SPMIP3: variants seen among roughly 807,000 people sequenced by gnomAD.
SPMIP3 encodes sperm microtubule inner protein 3.
chr1:244,386,239 G>A, the SPMIP3 span, among the ~76,000 whole-genome samples: 4 of 151,976 alleles, frequency 2.6e-5, no homozygotes, highest in Non-Finnish European at 5.9e-5. Context: ...AACATATTTG[G>A]AATACACAGA....
the SPMIP3 span, among the ~76,000 whole-genome samples, chr1:244,367,248 T>C: frequency 6.6e-6 from 1 of 152,146 alleles, no homozygotes; most frequent in Non-Finnish European, 1.5e-5. Context: ...GTCTGGGTTT[T>C]ATGCTATTAT....
At chr1:244,360,559 TGC>T in the SPMIP3 span, among the ~76,000 whole-genome samples, 2 of 9,036 alleles carry the variant, frequency 2.2e-4, no homozygotes, top group African/African-American at 6.2e-4. Flanking sequence ...CACACACACA[TGC>T]ATGCATGGAA....
the SPMIP3 span, among the ~76,000 whole-genome samples, chr1:244,386,074 A>G: frequency 6.6e-6 from 1 of 151,884 alleles, no homozygotes; most frequent in East Asian, 1.9e-4. Context: ...CTACTCAGGA[A>G]GCTGAGGCAG....
At chr1:244,357,991 A>T in the SPMIP3 span, among the ~76,000 whole-genome samples, 165 of 152,142 alleles carry the variant, frequency 1.1e-3, 1 homozygote, top group African/African-American at 3.9e-3. Context: ...AGAAGGCTGA[A>T]GGGGGAGGAT....
the SPMIP3 span, among the ~76,000 whole-genome samples, chr1:244,359,277 G>T: frequency 6.6e-6 from 1 of 152,114 alleles, no homozygotes; most frequent in African/African-American, 2.4e-5. Flanking sequence ...CATTGCTAAT[G>T]CATTTCTCTA....
the SPMIP3 span, among the ~76,000 whole-genome samples, chr1:244,359,683 A>G: frequency 3.3e-5 from 5 of 152,124 alleles, no homozygotes; most frequent in African/African-American, 1.2e-4. Context: ...AGATCACGAC[A>G]TTGCACTCCA....
At chr1:244,353,960 G>A in the SPMIP3 span, among the ~76,000 whole-genome samples, 1 of 152,034 alleles carries the variant, frequency 6.6e-6, no homozygotes, top group Non-Finnish European at 1.5e-5. Context: ...CCCCACCCAC[G>A]CCTTCTCTGC....
At chr1:244,376,003 C>T in the SPMIP3 span, among the ~76,000 whole-genome samples, 1 of 152,068 alleles carries the variant, frequency 6.6e-6, no homozygotes, top group African/African-American at 2.4e-5. Context: ...TTATGGGAGA[C>T]ATTCTTTTGT....
chr1:244,368,656 T>C, the SPMIP3 span, among the ~76,000 whole-genome samples: 1 of 152,212 alleles, frequency 6.6e-6, no homozygotes, highest in Non-Finnish European at 1.5e-5. Flanking sequence ...GTGAGCAAAG[T>C]TATCCAATCG....
chr1:244,368,064 G>A, the SPMIP3 span, among the ~76,000 whole-genome samples: 1 of 152,132 alleles, frequency 6.6e-6, no homozygotes, highest in Admixed American at 6.5e-5. Flanking sequence ...GAGTTCAAGT[G>A]ATTTTCATGC....
At chr1:244,373,740 C>T in the SPMIP3 span, among the ~76,000 whole-genome samples, 5 of 151,566 alleles carry the variant, frequency 3.3e-5, no homozygotes, top group East Asian at 2.0e-4. Flanking sequence ...TAGCAAAAAC[C>T]GCAATTACTT....
At chr1:244,373,003 C>T in the SPMIP3 span, among the ~76,000 whole-genome samples, 1 of 152,112 alleles carries the variant, frequency 6.6e-6, no homozygotes, top group Non-Finnish European at 1.5e-5. Context: ...ACATTTCCAT[C>T]ATATCAGAGC....
chr1:244,356,918 C>CTTTTTTTTTTTTTTTTTTTTT, the SPMIP3 span, among the ~76,000 whole-genome samples: 1 of 103,784 alleles, frequency 9.6e-6, no homozygotes, highest in African/African-American at 3.8e-5. Flanking sequence ...TTTTCTTTTC[C>CTTTTTTTTTTTTTTTTTTTTT]TTTTTTTTTT....
chr1:244,358,297 G>A, the SPMIP3 span, among the ~76,000 whole-genome samples: 11 of 115,622 alleles, frequency 9.5e-5, no homozygotes, highest in Admixed American at 1.0e-3. Flanking sequence ...GTTTAAATAT[G>A]TATGGGCCGG....
chr1:244,379,567 T>G, the SPMIP3 span, among the ~76,000 whole-genome samples: 1 of 152,196 alleles, frequency 6.6e-6, no homozygotes, highest in Non-Finnish European at 1.5e-5. Flanking sequence ...AAACATACTG[T>G]TAAGGGAACT....
At chr1:244,364,184 A>G in the SPMIP3 span, among the ~76,000 whole-genome samples, 1 of 151,876 alleles carries the variant, frequency 6.6e-6, no homozygotes, top group Non-Finnish European at 1.5e-5. Context: ...GGCTCACTGC[A>G]AGCTCCGCCT....
the SPMIP3 span, among the ~76,000 whole-genome samples, chr1:244,355,409 A>G: frequency 3.3e-5 from 5 of 151,884 alleles, no homozygotes; most frequent in African/African-American, 9.7e-5. Flanking sequence ...TGATTGATTG[A>G]GACGGAGTGT....
At chr1:244,372,742 T>C in the SPMIP3 span, among the ~76,000 whole-genome samples, 1 of 152,166 alleles carries the variant, frequency 6.6e-6, no homozygotes, top group Admixed American at 6.5e-5. Flanking sequence ...GCCTCCTGAC[T>C]TTGAATTTTT....
the SPMIP3 span, among the ~76,000 whole-genome samples, chr1:244,363,916 C>T: frequency 1.3e-5 from 2 of 152,162 alleles, no homozygotes; most frequent in African/African-American, 4.8e-5. Flanking sequence ...GCGCTCACTC[C>T]TAGCCGGGAT....
Sources: allele counts gnomAD v4.1 joint callset (sites outside exome capture counted in the v4.1 genomes callset), GRCh38; gene constraint gnomAD v4.1.1; transcripts MANE v1.5; gene names NCBI Gene and HGNC (gene_info 2026-07-23, HGNC 2026-07-21).